Variants in ROBO1 observed in about 807,000 individuals in gnomAD.
The protein encoded by ROBO1 is roundabout guidance receptor 1.
A neutral mutation model predicts 195.9 loss-of-function variants in ROBO1; 149 were observed. The observed-to-expected ratio is 0.76, with a 90% CI of 0.67 to 0.87. The LOEUF (loss-of-function observed/expected upper bound fraction) is 0.87. ROBO1 is among the 40% of genes least tolerant of loss of function. The pLI, the probability that ROBO1 is intolerant of heterozygous loss-of-function variation, is 0.00. For synonymous variants in ROBO1, 816 were observed against 733.2 expected (o/e 1.11, Z -1.82); for missense variants, 1,933 against 2,068.3 (o/e 0.93, Z 1.27).
At chr3:79,209,404 G>T (rs990547704) in intron 2 of ROBO1, among the ~76,000 whole-genome samples, 9 of 152,072 alleles carry the variant, frequency 5.9e-5, no homozygotes, top group Admixed American at 1.3e-4. Context: ...TAGACATTTA[G>T]GTTGGTTCCA....
At chr3:78,884,866 C>G (rs58575503) in intron 4 of ROBO1, among the ~76,000 whole-genome samples, 67 of 147,218 alleles carry the variant, frequency 4.6e-4, no homozygotes, top group South Asian at 6.5e-4. Flanking sequence ...CTCTCTCTTT[C>G]TGTGTGTGTG....
chr3:78,787,594 G>A (rs2083876154), intron 4 of ROBO1, among the ~76,000 whole-genome samples: 1 of 152,164 alleles, frequency 6.6e-6, no homozygotes, highest in African/African-American at 2.4e-5. Flanking sequence ...CTATGTGCGG[G>A]TTTTACCTAT....
At chr3:79,742,893 T>G (rs1293861813) in intron 1 of ROBO1, among the ~76,000 whole-genome samples, 1 of 152,212 alleles carries the variant, frequency 6.6e-6, no homozygotes, top group Admixed American at 6.5e-5. Flanking sequence ...ATTTCTGGGC[T>G]TTGGGTTGGA....
intron 1 of ROBO1, among the ~76,000 whole-genome samples, chr3:79,759,854 C>T (rs1343849246): frequency 6.6e-6 from 1 of 152,128 alleles, no homozygotes; most frequent in Non-Finnish European, 1.5e-5. Flanking sequence ...AGCCCACCCA[C>T]ATATGGAACA....
chr3:79,655,144 T>C (rs1044323083), intron 1 of ROBO1, among the ~76,000 whole-genome samples: 11 of 152,148 alleles, frequency 7.2e-5, no homozygotes, highest in Non-Finnish European at 1.0e-4. Context: ...AAAATATGAA[T>C]AAGTACACTT....
intron 4 of ROBO1, among the ~76,000 whole-genome samples, chr3:78,799,399 T>G (rs569471476): frequency 6.6e-6 from 1 of 152,256 alleles, no homozygotes; most frequent in Non-Finnish European, 1.5e-5. Context: ...TGGAGTGCAG[T>G]GGCACAATCT....
intron 2 of ROBO1, among the ~76,000 whole-genome samples, chr3:79,268,581 T>C (rs778404799): frequency 4.0e-5 from 6 of 151,620 alleles, no homozygotes; most frequent in Non-Finnish European, 7.4e-5. Context: ...AAGATGGCAC[T>C]TAATTCCAGG....
chr3:78,652,010 T>G (rs1161138074), intron 18 of ROBO1, 81 bp from the exon 19 acceptor site: 4 of 1,060,850 alleles, frequency 3.8e-6, no homozygotes, highest in Non-Finnish European at 4.2e-6. Context: ...GCCATTACTT[T>G]GTTAATTTCT....
rs1269267872 is a variant in ROBO1 at position 79,320,452 on chromosome 3, T to C, written c.89-194913A>G. On this transcript the variant is annotated intron_variant, in intron 2 of 30. Transcript: ENST00000464233. ...CAAGTCATCCTCCCACCTCAGCCCC[T>C]GAGTAGCTGAGACTACAGGTGTGTA... is the stretch of plus-strand genomic sequence containing the variant. Among the ~76,000 whole-genome samples the C allele has an allele frequency of 2.0e-5, 3 of 152,092 alleles. No homozygotes were observed. The East Asian group carries it at 5.8e-4, about 29-fold the overall frequency.
intron 2 of ROBO1, among the ~76,000 whole-genome samples, chr3:79,429,990 T>A (rs2038609489): frequency 6.6e-6 from 1 of 151,952 alleles, no homozygotes; most frequent in Non-Finnish European, 1.5e-5. Flanking sequence ...TCCAACTAAC[T>A]TTTCTCTCTC....
chr3:78,802,707 GCAT>G (rs58983750), intron 4 of ROBO1, among the ~76,000 whole-genome samples: 40,893 of 149,528 alleles, frequency 0.27, 5,752 homozygotes, highest in African/African-American at 0.31. Context: ...CTGCGGTCTA[GCAT>G]CATCATCATC....
chr3:79,245,991 C>A (rs1308598181), intron 2 of ROBO1, among the ~76,000 whole-genome samples: 2 of 151,990 alleles, frequency 1.3e-5, no homozygotes, highest in Non-Finnish European at 2.9e-5. Context: ...TCAAGTGTGA[C>A]CCAATAATGT....
intron 2 of ROBO1, among the ~76,000 whole-genome samples, chr3:79,552,241 T>C (rs12629371): frequency 0.27 from 41,262 of 151,776 alleles, 5,770 homozygotes; most frequent in Non-Finnish European, 0.32. Context: ...ACTATATCTC[T>C]TGAATATTCA....
intron 8 of ROBO1, among the ~76,000 whole-genome samples, chr3:78,711,348 C>CTTTCTTTTCTTTCTTTCTTCCT (rs1428531321): frequency 1.8e-5 from 1 of 54,702 alleles, no homozygotes; most frequent in African/African-American, 9.2e-5. Context: ...TCCTTCCTTC[C>CTTTCTTTTCTTTCTTTCTTCCT]TCCTTCCTTC....
intron 3 of ROBO1, among the ~76,000 whole-genome samples, chr3:78,987,169 T>C (rs1345808538): frequency 6.9e-6 from 1 of 145,664 alleles, no homozygotes; most frequent in Non-Finnish European, 1.5e-5. Flanking sequence ...GGTGAGGTGA[T>C]GGAAAGGAAA....
At chr3:78,713,850 A>G (rs1165078775) in intron 8 of ROBO1, among the ~76,000 whole-genome samples, 1 of 152,234 alleles carries the variant, frequency 6.6e-6, no homozygotes, top group Non-Finnish European at 1.5e-5. Context: ...CAATCAACTG[A>G]TATTTATTGA....
At chr3:79,705,762 T>C (rs1044515245) in intron 1 of ROBO1, among the ~76,000 whole-genome samples, 2 of 152,090 alleles carry the variant, frequency 1.3e-5, no homozygotes, top group Non-Finnish European at 2.9e-5. Context: ...ATAGAACAAG[T>C]TGGGGAGAAC....
intron 1 of ROBO1, among the ~76,000 whole-genome samples, chr3:79,688,563 T>C (rs1479851844): frequency 6.6e-6 from 1 of 152,142 alleles, no homozygotes; most frequent in African/African-American, 2.4e-5. Context: ...CCCACTGACA[T>C]TTGTTTCCTA....
chr3:79,531,577 A>C (rs948880184), intron 2 of ROBO1, among the ~76,000 whole-genome samples: 3 of 152,102 alleles, frequency 2.0e-5, no homozygotes, highest in African/African-American at 7.2e-5. Flanking sequence ...AATAACGTAA[A>C]CTTTTTTCTG....
Sources: gnomAD v4.1 joint callset for allele counts (sites outside exome capture counted in the v4.1 genomes callset) on GRCh38, gnomAD v4.1.1 for gene constraint, MANE v1.5 for transcripts, NCBI Gene and HGNC (gene_info 2026-07-23, HGNC 2026-07-21) for gene names.